PPM1G: variants seen among roughly 807,000 people sequenced by gnomAD.
PPM1G encodes the protein protein phosphatase 1G.
A neutral mutation model predicts 59.4 loss-of-function variants in PPM1G; 12 were observed. That is an observed-to-expected ratio of 0.20 (90% CI 0.13 to 0.33). PPM1G has a LOEUF of 0.33. PPM1G is among the 10% of genes least tolerant of loss of function. The pLI is 1.00. For synonymous variants in PPM1G, 245 were observed against 251.9 expected, an observed-to-expected ratio of 0.97 and a Z score of 0.26; for missense variants, 392 against 681.3, an observed-to-expected ratio of 0.58 and a Z score of 4.73.
Position 27,409,354 on chromosome 2 carries a change from C to A in PPM1G, c.69G>T (p.Leu23=). 6.5e-7 allele frequency: 1 copy of A among 1,542,830 alleles called. No individual in the cohort carries two copies. The highest frequency in any genetic ancestry group is 8.7e-7 in the Non-Finnish European group (1 of 1,143,962). Residue 23 remains leucine (L), a synonymous_variant, in exon 1 of 10, where the codon CTG becomes CTT. Transcript: ENST00000344034. ...TGGCGGAGAAGCCGTAGGGCAGCGGCAGGCGCGGGGCGCCGACCCCGTCCC... is the reference window on the plus strand; with the variant it reads ...TGGCGGAGAAGCCGTAGGGCAGCGGAAGGCGCGGGGCGCCGACCCCGTCCC... ...CSGDGVGAPR[L]PLPYGFSAMQ...
chr2:27,397,168 C>T (rs1020249316), intron 1 of PPM1G, among the ~76,000 whole-genome samples: 29 of 151,856 alleles, frequency 1.9e-4, no homozygotes, highest in Admixed American at 5.3e-4. Context: ...CATGCCCAGC[C>T]ACAATGAAAA....
At chr2:27,394,524 A>T (rs1464270392) in intron 1 of PPM1G, among the ~76,000 whole-genome samples, 1 of 151,770 alleles carries the variant, frequency 6.6e-6, no homozygotes, top group Non-Finnish European at 1.5e-5. Context: ...AGGTCAAGAG[A>T]TTGAGACCAT....
chr2:27,384,200 C>T lies in PPM1G; in HGVS notation c.826-108G>A. ...TGACTGAACACAGGTCCTCAAAACA[C>T]TGAAAGATACAAGTATATGGTCATG... On this transcript the variant is annotated intron_variant, in intron 5 of 9. Transcript: ENST00000344034. The surrounding 1 kb of genome is among the most constrained non-coding windows in gnomAD (Gnocchi z 4.8). 1 of 1,528,968 alleles carries T rather than the reference C, an allele frequency of 6.5e-7. No individual in the cohort carries two copies. The highest frequency in any genetic ancestry group is 8.8e-7 in the Non-Finnish European group (1 of 1,131,298). The allele number at this position is 1,528,968 out of a possible 1,614,324, so 94.7% of individuals were successfully genotyped here.
intron 1 of PPM1G, among the ~76,000 whole-genome samples, chr2:27,394,818 A>T (rs1052177323): frequency 6.6e-6 from 1 of 151,332 alleles, no homozygotes; most frequent in Non-Finnish European, 1.5e-5. Flanking sequence ...GACACAATTT[A>T]GGAGGTTTTT....
At chr2:27,401,095 A>G (rs1050441289) in intron 1 of PPM1G, among the ~76,000 whole-genome samples, 4 of 152,246 alleles carry the variant, frequency 2.6e-5, no homozygotes, top group Admixed American at 1.3e-4. Context: ...TTCTGATTCT[A>G]TTAAGCTCTG....
intron 1 of PPM1G, among the ~76,000 whole-genome samples, chr2:27,404,812 C>G (rs1419395066): frequency 6.6e-6 from 1 of 151,616 alleles, no homozygotes; most frequent in East Asian, 2.0e-4. Context: ...GGCATGGTGG[C>G]AGGCGCCTGT....
chr2:27,387,054 C>A, intron 2 of PPM1G, 35 bp downstream of exon 2: 2 of 1,536,490 alleles, frequency 1.3e-6, no homozygotes, highest in South Asian at 2.2e-5. Context: ...GAATTGGGGT[C>A]CTAGAATGTT....
intron 1 of PPM1G, among the ~76,000 whole-genome samples, chr2:27,389,797 C>A (rs953345947): frequency 6.6e-6 from 1 of 152,042 alleles, no homozygotes; most frequent in South Asian, 2.1e-4. Context: ...GACCCCGCCT[C>A]TACAAAAAAA....
chr2:27,391,889 G>A lies in PPM1G; in HGVS notation c.121-4731C>T, dbSNP rs1244160293. Among the ~76,000 whole-genome samples, 13 of 151,742 alleles carry A rather than the reference G, an allele frequency of 8.6e-5. No homozygotes were observed. In the East Asian group the frequency reaches 1.4e-3, roughly 16 times the overall value. On this transcript the variant is annotated intron_variant, in intron 1 of 9. Transcript: ENST00000344034. Reference sequence around the variant, plus strand: ...TGGGATAACAGGCACGCGCCGCCACGCCCAGCTAATTTTTGTATTTTTAGT... The same window carrying A: ...TGGGATAACAGGCACGCGCCGCCACACCCAGCTAATTTTTGTATTTTTAGT...
chr2:27,394,817 T>C (rs1684006620), intron 1 of PPM1G, among the ~76,000 whole-genome samples: 2 of 151,168 alleles, frequency 1.3e-5, no homozygotes, highest in African/African-American at 2.4e-5. Context: ...TGACACAATT[T>C]AGGAGGTTTT....
rs371650198 is a variant in PPM1G at position 27,381,717 on chromosome 2, C to T, written c.1523G>A (p.Arg508Gln). Reference sequence around the variant, plus strand: ...CTCTGGCTGGAGCTCTGCTGTGTTTCGGGGCTTGAAGCAAATGATGATGCA... The same window carrying T: ...CTCTGGCTGGAGCTCTGCTGTGTTTTGGGGCTTGAAGCAAATGATGATGCA... ...MTCIIICFKP[R>Q]NTAELQPESG... Residue 508 changes from arginine (R) to glutamine (Q), a missense_variant, in exon 10 of 10, where the codon CGA becomes CAA. Coordinates refer to ENST00000344034, the MANE Select transcript of PPM1G (RefSeq NM_177983.3). 4.3e-6 allele frequency: 7 copies of T among 1,613,814 alleles called. No individual in the cohort carries two copies. The highest frequency in any genetic ancestry group is 1.3e-5 in the African/African-American group (1 of 74,854).
chr2:27,398,691 A>G (rs1684108680), intron 1 of PPM1G, among the ~76,000 whole-genome samples: 1 of 151,880 alleles, frequency 6.6e-6, no homozygotes, highest in Non-Finnish European at 1.5e-5. Context: ...GCATGGTGGC[A>G]TGTGCCTATA....
rs151079105 is a variant in PPM1G at position 27,385,014 on chromosome 2, G to T, written c.484C>A (p.Gln162Lys). ...TGGGGAGGGCCCTTGTGACAGTTCT[G>T]CCCGTAGCGTGTCAGCAGCTCTTCA... ...TIEELLTRYG[Q>K]NCHKGPPHSK... is the part of the protein sequence containing the mutation. Residue 162 changes from glutamine to lysine, a missense_variant, in exon 5 of 10, where the codon CAG becomes AAG. Physicochemically the swap from Gln to Lys is moderately conservative, Grantham distance 53 (BLOSUM62 1). Transcript: ENST00000344034. This position sits in a 1 kb window ranked among gnomAD's most constrained non-coding sequence, Gnocchi z 4.1. The T allele has an allele frequency of 5.6e-6, 9 of 1,613,942 alleles. No homozygotes were observed. Among genetic ancestry groups the T allele is most frequent in the Non-Finnish European group, 7.6e-6 (9 of 1,180,048 alleles).
chr2:27,398,108 C>T (rs114249837), intron 1 of PPM1G, among the ~76,000 whole-genome samples: 7 of 152,254 alleles, frequency 4.6e-5, no homozygotes, highest in South Asian at 2.1e-4. Flanking sequence ...CATTTCAAAA[C>T]GTACTAAAAA....
intron 1 of PPM1G, chr2:27,392,856 T>C: frequency 6.8e-7 from 1 of 1,467,106 alleles, no homozygotes. Context: ...ATTCGGGCGC[T>C]CCCATCTCGT....
At chr2:27,408,230 G>C (rs989546577) in intron 1 of PPM1G, among the ~76,000 whole-genome samples, 2 of 152,154 alleles carry the variant, frequency 1.3e-5, no homozygotes, top group Non-Finnish European at 2.9e-5. Context: ...AGGAGCGAGG[G>C]ATCTGAAACA....
At chr2:27,387,566 T>C (rs1683799361) in intron 1 of PPM1G, among the ~76,000 whole-genome samples, 1 of 152,046 alleles carries the variant, frequency 6.6e-6, no homozygotes, top group Admixed American at 6.6e-5. Context: ...AGTGGCGCGA[T>C]CTTGGCTCAC....
chr2:27,383,172 G>A lies in PPM1G; in HGVS notation c.1201+194C>T, dbSNP rs1003893952. Among the ~76,000 whole-genome samples, 22 of 152,118 alleles carry A rather than the reference G, an allele frequency of 1.4e-4. No individual in the cohort carries two copies. The highest frequency in any genetic ancestry group is 4.6e-4 in the African/African-American group (19 of 41,430). On this transcript the variant is annotated intron_variant, in intron 7 of 9. Coordinates refer to ENST00000344034, the MANE Select transcript of PPM1G (RefSeq NM_177983.3). The surrounding 1 kb of genome is among the most constrained non-coding windows in gnomAD (Gnocchi z 5.0). ...TTTTCATCATTCAAATGTTACATAA[G>A]ATGGGTATAATGATACCTATGTATA...
chr2:27,386,263 C>T lies in PPM1G; in HGVS notation c.207G>A (p.Leu69=), dbSNP rs138207162. 1.5e-5 allele frequency: 25 copies of T among 1,613,324 alleles called. No individual in the cohort carries two copies. In the African/African-American group the frequency reaches 2.9e-4, roughly 19 times the overall value. ...TATCAGGAAGATATTTGGCACAGTA[C>T]AAGGCAACTTCCTCCCCTAGAAGGA... is the stretch of plus-strand genomic sequence containing the variant. ...YDGHGGEEVA[L]YCAKYLPDII... The change falls in exon 3 of 10, where the codon TTG becomes TTA. Residue 69 remains leucine, a synonymous_variant. Transcript: ENST00000344034.
Sources: gnomAD v4.1 joint callset for allele counts (sites outside exome capture counted in the v4.1 genomes callset) on GRCh38, gnomAD v4.1.1 for gene constraint, Gnocchi (gnomAD v3.1) non-coding constraint, MANE v1.5 for transcripts, NCBI Gene and HGNC (gene_info 2026-07-23, HGNC 2026-07-21) for gene names.